MAGI2: variants seen among roughly 807,000 people sequenced by gnomAD.
The protein encoded by MAGI2 is membrane associated guanylate kinase, WW and PDZ domain containing 2, also known as membrane-associated guanylate kinase, WW and PDZ domain-containing protein 2.
A neutral mutation model predicts 133.3 loss-of-function variants in MAGI2; 35 were observed. The observed-to-expected ratio is 0.26, with a 90% confidence interval of 0.20 to 0.35. The LOEUF is 0.35. Among genes scored for constraint, MAGI2 ranks in the 10% least tolerant of loss-of-function variants. The pLI, the probability that MAGI2 is intolerant of heterozygous loss-of-function variation, is 1.00. For missense variants in MAGI2, 1,636 were observed against 1,863.4 expected, an observed-to-expected ratio of 0.88 and a Z score of 2.25; for synonymous variants, 729 against 710.6, an observed-to-expected ratio of 1.03 and a Z score of -0.41.
At chr7:79,006,058 G>T (rs148432774) in intron 2 of MAGI2, among the ~76,000 whole-genome samples, 132 of 152,136 alleles carry the variant, frequency 8.7e-4, no homozygotes, top group Middle Eastern at 3.4e-3. Flanking sequence ...AATAGGGCTG[G>T]GTGATAACCT....
intron 2 of MAGI2, among the ~76,000 whole-genome samples, chr7:78,724,017 G>A (rs1820523028): frequency 6.6e-6 from 1 of 152,156 alleles, no homozygotes. Flanking sequence ...TGTGGTCTAG[G>A]TCCTGCTGCT....
chr7:79,206,111 C>T (rs1285319486), intron 1 of MAGI2, among the ~76,000 whole-genome samples: 1 of 150,930 alleles, frequency 6.6e-6, no homozygotes, highest in Non-Finnish European at 1.5e-5. Flanking sequence ...CAATAAATGC[C>T]TACCTCAAAA....
intron 12 of MAGI2, among the ~76,000 whole-genome samples, chr7:78,191,522 T>C (rs1828210601): frequency 6.6e-6 from 1 of 152,248 alleles, no homozygotes; most frequent in African/African-American, 2.4e-5. Context: ...TCATAACTTC[T>C]CTTGTGGAGT....
intron 1 of MAGI2, among the ~76,000 whole-genome samples, chr7:79,274,584 A>T (rs1054559037): frequency 6.9e-5 from 6 of 87,140 alleles, no homozygotes; most frequent in African/African-American, 1.5e-4. Context: ...TATATTATAT[A>T]TTTTTTTTCA....
At chr7:79,043,916 G>A (rs1811928640) in intron 1 of MAGI2, among the ~76,000 whole-genome samples, 1 of 152,076 alleles carries the variant, frequency 6.6e-6, no homozygotes, top group South Asian at 2.1e-4. Context: ...TTAGAGTTGT[G>A]AAATTGAATC....
intron 21 of MAGI2, among the ~76,000 whole-genome samples, chr7:78,026,443 T>C (rs1287094722): frequency 2.0e-5 from 3 of 152,230 alleles, no homozygotes; most frequent in Non-Finnish European, 4.4e-5. Context: ...CAAACATTTG[T>C]GCAGAAGAGG....
intron 2 of MAGI2, chr7:78,771,411 G>T (rs1181823563): frequency 6.6e-6 from 1 of 152,176 alleles, no homozygotes; most frequent in Admixed American, 6.5e-5. Flanking sequence ...TGGAGTGTGT[G>T]AATTTTAATA....
At chr7:79,206,655 C>T (rs1174704350) in intron 1 of MAGI2, among the ~76,000 whole-genome samples, 2 of 151,816 alleles carry the variant, frequency 1.3e-5, no homozygotes, top group African/African-American at 4.8e-5. Context: ...GAATTAATCC[C>T]AATTATTCTC....
chr7:78,973,774 G>A (rs1422392967), intron 2 of MAGI2, among the ~76,000 whole-genome samples: 1 of 151,762 alleles, frequency 6.6e-6, no homozygotes, highest in Non-Finnish European at 1.5e-5. Context: ...TTGCCCTGCT[G>A]TATGCTCGTA....
intron 1 of MAGI2, among the ~76,000 whole-genome samples, chr7:79,128,978 C>T (rs1387518256): frequency 2.0e-5 from 3 of 152,198 alleles, no homozygotes. Context: ...TCCAGCGCTT[C>T]TTCCACCTCA....
At chr7:78,209,267 CT>C (rs111381805) in intron 10 of MAGI2, among the ~76,000 whole-genome samples, 45,247 of 82,650 alleles carry the variant, frequency 0.55, 12,916 homozygotes, top group East Asian at 0.64. Flanking sequence ...AAAAGTCATT[CT>C]TTTTTTTTTT....
chr7:78,559,960 A>C (rs1309949123), intron 3 of MAGI2, among the ~76,000 whole-genome samples: 1 of 152,192 alleles, frequency 6.6e-6, no homozygotes, highest in Non-Finnish European at 1.5e-5. Flanking sequence ...ATAGGGACTA[A>C]AGTAGAGAAA....
chr7:78,353,596 T>C (rs1016589682), intron 7 of MAGI2, among the ~76,000 whole-genome samples: 1 of 152,200 alleles, frequency 6.6e-6, no homozygotes, highest in Non-Finnish European at 1.5e-5. Context: ...ACGTAAATAC[T>C]CAGAGGGAGA....
At position 78,048,717 on chromosome 7, in the gene MAGI2, T is replaced by C. The variant is rs527937782; in HGVS notation, c.3707-28741A>G. Among the ~76,000 whole-genome samples, 7 of 152,340 alleles carry C rather than the reference T, an allele frequency of 4.6e-5. No individual in the cohort carries two copies. In the East Asian group the frequency reaches 1.3e-3, roughly 29 times the overall value. On this transcript the variant is annotated intron_variant, in intron 21 of 21. Coordinates refer to ENST00000354212, the MANE Select transcript of MAGI2 (RefSeq NM_012301.4). ...TTGTCCCAGGGCTTCCACCTAAGGA[T>C]AAGCCTGAAACATAAGCAGTTCCAT...
intron 1 of MAGI2, among the ~76,000 whole-genome samples, chr7:79,368,657 G>A (rs1004913789): frequency 6.6e-6 from 1 of 151,348 alleles, no homozygotes; most frequent in Non-Finnish European, 1.5e-5. Context: ...GACCATCCCG[G>A]CTAAAACGGT....
intron 2 of MAGI2, among the ~76,000 whole-genome samples, chr7:78,851,631 T>A (rs1303519135): frequency 6.6e-6 from 1 of 152,170 alleles, no homozygotes; most frequent in Non-Finnish European, 1.5e-5. Flanking sequence ...AAACAAATAT[T>A]GTTTAATTCT....
At chr7:79,258,332 G>A (rs1337678105) in intron 1 of MAGI2, among the ~76,000 whole-genome samples, 4 of 152,116 alleles carry the variant, frequency 2.6e-5, no homozygotes, top group Non-Finnish European at 2.9e-5. Context: ...TAAATCTTCT[G>A]GGATAGTCAG....
rs186574844 is a variant in MAGI2 at position 78,073,449 on chromosome 7, G to C, written c.3706+5498C>G. On this transcript the variant is annotated intron_variant, in intron 21 of 21. Coordinates refer to ENST00000354212, the MANE Select transcript of MAGI2 (RefSeq NM_012301.4). The stretch of plus-strand genomic sequence containing the variant: ...CCCACTTACAACTGGACTCTCTTCA[G>C]TGTTCTATTCATAAAGCCCTGCCCT... Among the ~76,000 whole-genome samples the C allele has an allele frequency of 1.4e-3, 212 of 151,756 alleles. 1 individual carries two copies. Among genetic ancestry groups the C allele is most frequent in the African/African-American group, 4.9e-3 (203 of 41,332 alleles).
At chr7:78,780,902 T>C (rs1826343989) in intron 2 of MAGI2, among the ~76,000 whole-genome samples, 1 of 152,202 alleles carries the variant, frequency 6.6e-6, no homozygotes, top group Admixed American at 6.5e-5. Context: ...TGAAAAGTTG[T>C]AGGAAAATTG....
Sources: gnomAD v4.1 joint callset for allele counts (sites outside exome capture counted in the v4.1 genomes callset) on GRCh38, gnomAD v4.1.1 for gene constraint, MANE v1.5 for transcripts, NCBI Gene and HGNC (gene_info 2026-07-23, HGNC 2026-07-21) for gene names.